The following RPS6KC1 variants were observed in gnomAD, a reference collection of about 807,000 sequenced individuals.
RPS6KC1 encodes inactive ribosomal protein S6 kinase delta-1.
Under a neutral mutation model 103.8 loss-of-function variants are expected in RPS6KC1, and 54 were observed. That is an observed-to-expected ratio of 0.52 (90% confidence interval 0.42 to 0.65). RPS6KC1 has a LOEUF of 0.65. Ranked by LOEUF, RPS6KC1 falls within the 30% of genes least tolerant of loss-of-function variation. The pLI, the probability that RPS6KC1 is intolerant of heterozygous loss-of-function variation, is 0.00. For missense variants in RPS6KC1, 1,151 were observed against 1,253.8 expected (o/e 0.92, Z 1.24); for synonymous variants, 439 against 438.7 (o/e 1.00, Z -0.01).
At chr1:213,183,520 GAAAC>G (rs942829471) in intron 8 of RPS6KC1, among the ~76,000 whole-genome samples, 3 of 151,772 alleles carry the variant, frequency 2.0e-5, no homozygotes, top group Non-Finnish European at 4.4e-5. Flanking sequence ...CAAATACCTA[GAAAC>G]AAACAGTTAT....
At chr1:213,832,071 G>A in the RPS6KC1 span, among the ~76,000 whole-genome samples, 1 of 152,276 alleles carries the variant, frequency 6.6e-6, no homozygotes, top group African/African-American at 2.4e-5. Context: ...TTTGGTCTGT[G>A]GTATCACCTC....
At chr1:213,570,840 G>A in the RPS6KC1 span, among the ~76,000 whole-genome samples, 2 of 152,178 alleles carry the variant, frequency 1.3e-5, no homozygotes, top group Non-Finnish European at 2.9e-5. Context: ...TTGTCACCGT[G>A]AAACCAGCCT....
the RPS6KC1 span, among the ~76,000 whole-genome samples, chr1:213,649,730 G>A: frequency 6.6e-6 from 1 of 152,128 alleles, no homozygotes; most frequent in Non-Finnish European, 1.5e-5. Context: ...TCGAGAGCTA[G>A]GACTGTGTCT....
At chr1:213,705,905 G>T in the RPS6KC1 span, among the ~76,000 whole-genome samples, 2 of 152,122 alleles carry the variant, frequency 1.3e-5, no homozygotes, top group Admixed American at 6.5e-5. Context: ...CTAGAAAAAG[G>T]GCTTCACAAC....
chr1:213,674,677 G>T, the RPS6KC1 span, among the ~76,000 whole-genome samples: 1 of 152,188 alleles, frequency 6.6e-6, no homozygotes, highest in Non-Finnish European at 1.5e-5. Context: ...GGATTGCTGG[G>T]TTGAATGGTA....
the RPS6KC1 span, among the ~76,000 whole-genome samples, chr1:213,825,025 G>T: frequency 1.3e-5 from 2 of 152,212 alleles, no homozygotes; most frequent in Non-Finnish European, 2.9e-5. Context: ...GGCCAGAGAA[G>T]AAAGAGTGGG....
At chr1:213,580,704 C>T in the RPS6KC1 span, among the ~76,000 whole-genome samples, 1 of 152,042 alleles carries the variant, frequency 6.6e-6, no homozygotes, top group South Asian at 2.1e-4. Context: ...AACATAGAAG[C>T]AAGACCCTCT....
intron 7 of RPS6KC1, among the ~76,000 whole-genome samples, chr1:213,173,993 A>T (rs1029175887): frequency 2.0e-5 from 3 of 152,246 alleles, no homozygotes; most frequent in African/African-American, 7.2e-5. Flanking sequence ...TGTTGGAGAT[A>T]CTTGGCCATA....
rs2077512994 is a variant in RPS6KC1 at position 213,058,150 on chromosome 1, G to C, written c.105+6641G>C. 2.8e-5 allele frequency among the ~76,000 whole-genome samples: 4 copies of C among 142,828 alleles called. No individual in the cohort carries two copies. In the South Asian group the frequency reaches 9.1e-4, roughly 33 times the overall value. The allele number at this position is 142,828 out of a possible 152,430, so 93.7% of individuals were successfully genotyped here. On this transcript the variant is annotated intron_variant, in intron 1 of 14. Coordinates refer to ENST00000366960, the MANE Select transcript of RPS6KC1 (RefSeq NM_012424.6). ...GTGCTTATTCGCAGGTGTGATCATA[G>C]TGTGCTACAGCCTCGACCTCCTAGG...
the RPS6KC1 span, among the ~76,000 whole-genome samples, chr1:213,316,700 A>AGTGTGT: frequency 0.01 from 1,504 of 144,492 alleles, 25 homozygotes; most frequent in African/African-American, 0.035. Context: ...TAGGGCATGC[A>AGTGTGT]GTGTGTGTGT....
At chr1:213,554,180 C>T in the RPS6KC1 span, among the ~76,000 whole-genome samples, 2 of 152,126 alleles carry the variant, frequency 1.3e-5, no homozygotes, top group East Asian at 3.8e-4. Context: ...AGTCTTTAAT[C>T]TATCTTGAGT....
the RPS6KC1 span, among the ~76,000 whole-genome samples, chr1:213,512,667 TC>T: frequency 6.6e-6 from 1 of 152,220 alleles, no homozygotes; most frequent in Non-Finnish European, 1.5e-5. Context: ...ATACAGCATT[TC>T]CTTGTTATGA....
the RPS6KC1 span, among the ~76,000 whole-genome samples, chr1:213,469,951 C>T: frequency 2.0e-5 from 3 of 152,124 alleles, no homozygotes; most frequent in East Asian, 5.8e-4. Flanking sequence ...TGAGCCTACT[C>T]AGTTTGAGCT....
chr1:213,511,012 A>G, the RPS6KC1 span, among the ~76,000 whole-genome samples: 1 of 152,328 alleles, frequency 6.6e-6, no homozygotes, highest in Non-Finnish European at 1.5e-5. Flanking sequence ...GGGTTTCCAA[A>G]ATAGGAGAAA....
At chr1:213,734,849 C>T in the RPS6KC1 span, among the ~76,000 whole-genome samples, 1 of 152,246 alleles carries the variant, frequency 6.6e-6, no homozygotes, top group African/African-American at 2.4e-5. Flanking sequence ...GAAGTTATCT[C>T]ATTCCTATTG....
the RPS6KC1 span, among the ~76,000 whole-genome samples, chr1:213,670,593 A>T: frequency 6.6e-6 from 1 of 152,104 alleles, no homozygotes; most frequent in Non-Finnish European, 1.5e-5. Context: ...GCTAAGCATA[A>T]CAATAGAGAG....
At chr1:213,545,755 A>T in the RPS6KC1 span, among the ~76,000 whole-genome samples, 4 of 152,226 alleles carry the variant, frequency 2.6e-5, no homozygotes, top group African/African-American at 9.6e-5. Context: ...TGAAGAAGAG[A>T]TCTGCTTCTA....
chr1:213,793,098 G>A, the RPS6KC1 span, among the ~76,000 whole-genome samples: 1 of 152,174 alleles, frequency 6.6e-6, no homozygotes, highest in South Asian at 2.1e-4. Context: ...TCCTCCAAGA[G>A]AGATCAATTC....
chr1:213,506,988 A>G, the RPS6KC1 span, among the ~76,000 whole-genome samples: 1 of 152,218 alleles, frequency 6.6e-6, no homozygotes, highest in African/African-American at 2.4e-5. Flanking sequence ...TTTCTGACAC[A>G]TAATTTGCTC....
Sources: gnomAD v4.1 joint callset for allele counts (sites outside exome capture counted in the v4.1 genomes callset) on GRCh38, gnomAD v4.1.1 for gene constraint, MANE v1.5 for transcripts, NCBI Gene and HGNC (gene_info 2026-07-23, HGNC 2026-07-21) for gene names.